STK24: variants seen among roughly 807,000 people sequenced by gnomAD.
STK24 encodes the protein serine/threonine-protein kinase 24.
STK24 carries 21 observed loss-of-function variants against 55.6 expected under a neutral mutation model. The ratio of observed to expected loss-of-function variants is 0.38; its 90% CI spans 0.27 to 0.54. The LOEUF is 0.54. Among genes scored for constraint, STK24 ranks in the 20% least tolerant of loss-of-function variants. The pLI is 0.79. For synonymous variants in STK24, 200 were observed against 215.2 expected, an observed-to-expected ratio of 0.93 and a Z score of 0.62; for missense variants, 383 against 538.4, an observed-to-expected ratio of 0.71 and a Z score of 2.86.
intron 1 of STK24, among the ~76,000 whole-genome samples, chr13:98,524,329 G>A (rs1896357395): frequency 1.3e-5 from 2 of 151,986 alleles, no homozygotes; most frequent in African/African-American, 2.4e-5. Context: ...CCCTCTCCAA[G>A]GTCAAGCCTC....
intron 2 of STK24, among the ~76,000 whole-genome samples, chr13:98,514,118 T>A (rs1205573203): frequency 1.3e-5 from 2 of 151,596 alleles, no homozygotes; most frequent in Non-Finnish European, 2.9e-5. Flanking sequence ...TTTCTGCAGA[T>A]AGGCATAGTA....
At chr13:98,465,422 T>C (rs1186651558) in intron 6 of STK24, among the ~76,000 whole-genome samples, 1 of 152,206 alleles carries the variant, frequency 6.6e-6, no homozygotes, top group Non-Finnish European at 1.5e-5. Context: ...TGGGAAGACA[T>C]GCCTGCACAC....
chr13:98,560,044 C>A (rs367930176), intron 1 of STK24, among the ~76,000 whole-genome samples: 19 of 152,296 alleles, frequency 1.2e-4, no homozygotes, highest in African/African-American at 4.6e-4. Context: ...TCCAAACTTT[C>A]AAAATCCAAA....
At chr13:98,474,513 A>C (rs1894288317) in intron 5 of STK24, among the ~76,000 whole-genome samples, 1 of 151,346 alleles carries the variant, frequency 6.6e-6, no homozygotes. Flanking sequence ...ACCCCTCACC[A>C]CCATGGCCCT....
chr13:98,467,423 T>A (rs1375728983), intron 5 of STK24, among the ~76,000 whole-genome samples: 3 of 152,136 alleles, frequency 2.0e-5, no homozygotes, highest in Non-Finnish European at 2.9e-5. Context: ...AAACTGTCAT[T>A]CCATGGTTGG....
chr13:98,505,038 G>A (rs1243884959), intron 2 of STK24: 1 of 152,264 alleles, frequency 6.6e-6, no homozygotes, highest in Non-Finnish European at 1.5e-5. Flanking sequence ...CTTACCGCAA[G>A]CTGGCCCCAA....
chr13:98,535,398 TACACACAC>T (rs56768700), intron 1 of STK24, among the ~76,000 whole-genome samples: 2,387 of 142,764 alleles, frequency 0.017, 52 homozygotes, highest in African/African-American at 0.054. Flanking sequence ...TATGTGTGTA[TACACACAC>T]ACACACACAC....
rs75267530 is a variant in STK24, at chr13:98,543,984, T to C, written c.43-24511A>G. ...CAAGTGTGAGTATCCTGGCTCTAAT[T>C]TGGAGTCATGTTAGTGGACCTCAGG... On this transcript the variant is annotated intron_variant, in intron 1 of 10. Transcript: ENST00000539966. 7.9e-5 allele frequency among the ~76,000 whole-genome samples: 12 copies of C among 152,284 alleles called. No individual in the cohort carries two copies. The East Asian group carries it at 2.3e-3, about 29-fold the overall frequency.
intron 1 of STK24, among the ~76,000 whole-genome samples, chr13:98,524,838 T>C (rs910701461): frequency 2.6e-5 from 4 of 152,216 alleles, no homozygotes; most frequent in Non-Finnish European, 5.9e-5. Context: ...TTCACTCTTT[T>C]ACTATTGTCC....
rs149947367 is a variant in STK24 at position 98,457,185 on chromosome 13, G to C, written c.1242C>G (p.Leu414=). ...GTAGTTACCTCTGGAGCCGCTGCAC[G>C]AGCTGGGCCACCATGGTGTCGGAGA... ...PGISDTMVAQ[L]VQRLQRYSLS... The change falls in exon 10 of 11, where the codon CTC becomes CTG. Residue 414 remains leucine (L), a synonymous_variant. Transcript: ENST00000539966. The C allele has an allele frequency of 6.2e-7, 1 of 1,611,366 alleles. No individual in the cohort carries two copies. The highest frequency in any genetic ancestry group is 1.3e-5 in the African/African-American group (1 of 74,874).
chr13:98,557,945 T>C (rs531812403), intron 1 of STK24, among the ~76,000 whole-genome samples: 100 of 152,230 alleles, frequency 6.6e-4, no homozygotes, highest in Non-Finnish European at 1.2e-3. Flanking sequence ...GAAATTCTTC[T>C]AGAACAGAGC....
rs757279927 is a variant in STK24, at chr13:98,446,203, C to A, written c.*6970G>T. 1.2e-6 allele frequency: 2 copies of A among 1,608,002 alleles called. No individual in the cohort carries two copies. The highest frequency in any genetic ancestry group is 2.7e-5 in the African/African-American group (2 of 74,790). On this transcript the variant is annotated 3_prime_UTR_variant, in exon 11 of 11. Transcript: ENST00000539966. The stretch of plus-strand genomic sequence containing the variant: ...CTGCCTGTTCTTCTACAAATCACAC[C>A]AGGTAAGTGTCTCGCACAGGGCAGG...
At chr13:98,518,320 C>T (rs144245282) in intron 2 of STK24, among the ~76,000 whole-genome samples, 67 of 152,346 alleles carry the variant, frequency 4.4e-4, no homozygotes, top group African/African-American at 1.5e-3. Flanking sequence ...GAGCAGCTTA[C>T]AAGTTGTAAC....
chr13:98,565,938 T>C (rs189437682), intron 1 of STK24, among the ~76,000 whole-genome samples: 420 of 152,362 alleles, frequency 2.8e-3, no homozygotes, highest in Admixed American at 6.0e-3. Context: ...GACAGCGCAG[T>C]GCCAGCCCGG....
intron 3 of STK24, among the ~76,000 whole-genome samples, chr13:98,481,598 G>A (rs546309691): frequency 4.7e-4 from 72 of 152,308 alleles, no homozygotes; most frequent in Non-Finnish European, 9.7e-4. Context: ...AATATGAAAC[G>A]ATGAGATAAC....
At chr13:98,516,720 G>C (rs934256869) in intron 2 of STK24, among the ~76,000 whole-genome samples, 1 of 152,192 alleles carries the variant, frequency 6.6e-6, no homozygotes, top group African/African-American at 2.4e-5. Context: ...TAAGATAAAA[G>C]GAACTCAGGT....
At chr13:98,477,184 C>T (rs574393272) in intron 3 of STK24, among the ~76,000 whole-genome samples, 29 of 152,352 alleles carry the variant, frequency 1.9e-4, no homozygotes, top group Admixed American at 1.9e-3. Flanking sequence ...ATCAGGAAAA[C>T]TATGCCTTAA....
intron 1 of STK24, among the ~76,000 whole-genome samples, chr13:98,532,635 T>C (rs1566390238): frequency 1.3e-5 from 2 of 152,218 alleles, no homozygotes; most frequent in African/African-American, 4.8e-5. Flanking sequence ...ATTTATCAAA[T>C]ACCTATCTTT....
intron 1 of STK24, among the ~76,000 whole-genome samples, chr13:98,565,072 T>C (rs12100350): frequency 0.014 from 2,118 of 152,330 alleles, 60 homozygotes; most frequent in African/African-American, 0.048. Context: ...CAAGCACTGA[T>C]TGTAGCTTGC....
Sources: allele counts gnomAD v4.1 joint callset (sites outside exome capture counted in the v4.1 genomes callset), GRCh38; gene constraint gnomAD v4.1.1; transcripts MANE v1.5; gene names NCBI Gene and HGNC (gene_info 2026-07-23, HGNC 2026-07-21).